The following HM13 variants were observed in gnomAD, a reference collection of about 807,000 sequenced individuals.
HM13 encodes histocompatibility minor 13, also known as signal peptide peptidase.
Under a neutral mutation model 50.0 loss-of-function variants are expected in HM13, and 18 were observed. The ratio of observed to expected loss-of-function variants is 0.36; its 90% confidence interval spans 0.25 to 0.53. The LOEUF is 0.53. HM13 is among the 20% of genes least tolerant of loss of function. HM13 has a pLI of 0.90. For synonymous variants in HM13, 197 were observed against 232.6 expected, an observed-to-expected ratio of 0.85 and a Z score of 1.39; for missense variants, 393 against 552.4, an observed-to-expected ratio of 0.71 and a Z score of 2.89.
intron 3 of HM13, among the ~76,000 whole-genome samples, chr20:31,544,563 A>G (rs1011799332): frequency 1.3e-5 from 2 of 152,198 alleles, no homozygotes; most frequent in Non-Finnish European, 2.9e-5. Flanking sequence ...GGAGTCCACA[A>G]ATATGCTTCT....
chr20:31,544,376 G>A (rs529069477), intron 3 of HM13, among the ~76,000 whole-genome samples: 8 of 152,348 alleles, frequency 5.3e-5, no homozygotes, highest in African/African-American at 1.9e-4. Flanking sequence ...AAACAACTGA[G>A]GCCTTGTGGA....
chr20:31,526,554 G>T (rs1308260137), intron 1 of HM13, among the ~76,000 whole-genome samples: 1 of 152,068 alleles, frequency 6.6e-6, no homozygotes, highest in Non-Finnish European at 1.5e-5. Context: ...AAATTATTTT[G>T]ATTGCATTCA....
At chr20:31,563,380 A>G (rs1175932976) in intron 10 of HM13, 1 of 152,334 alleles carries the variant, frequency 6.6e-6, no homozygotes, top group Non-Finnish European at 1.5e-5. Context: ...GCCTTTGTGC[A>G]GTGGTGTGAT....
intron 8 of HM13, 124 bp from the exon 9 acceptor site, chr20:31,559,487 C>A: frequency 1.1e-6 from 1 of 927,394 alleles, no homozygotes; most frequent in Non-Finnish European, 1.8e-6. Context: ...GTATTGGCCA[C>A]ACCCTTGGTC....
At chr20:31,524,962 C>G (rs922393436) in intron 1 of HM13, among the ~76,000 whole-genome samples, 2 of 152,042 alleles carry the variant, frequency 1.3e-5, no homozygotes, top group African/African-American at 4.8e-5. Flanking sequence ...ATCCGCCTGC[C>G]TCGGCCTCCC....
intron 2 of HM13, among the ~76,000 whole-genome samples, chr20:31,530,353 A>G (rs966155989): frequency 1.3e-5 from 2 of 151,978 alleles, no homozygotes; most frequent in Non-Finnish European, 2.9e-5. Flanking sequence ...TATCAAATAC[A>G]TGATTCTTAC....
intron 1 of HM13, among the ~76,000 whole-genome samples, chr20:31,526,149 C>T (rs915270413): frequency 1.1e-4 from 16 of 145,226 alleles, no homozygotes; most frequent in African/African-American, 4.2e-4. Context: ...AAAGAAAGTT[C>T]GTCATAAATC....
At chr20:31,537,840 A>G (rs754308777) in intron 2 of HM13, among the ~76,000 whole-genome samples, 2 of 152,142 alleles carry the variant, frequency 1.3e-5, no homozygotes, top group African/African-American at 4.8e-5. Context: ...TGAGGTTCCA[A>G]CAGCTCTCCT....
chr20:31,539,330 AACACTGATAG>A lies in HM13; in HGVS notation c.365+1072_365+1081del. ...GAAGAGGTGCAGCCTCAGGCTGAGA[AACACTGATAG>A]ACCAAGAGGTGGCCAGGGTTCCCAG... On this transcript the variant is annotated intron_variant, in intron 3 of 12. Transcript: ENST00000398174. The A allele has an allele frequency of 4.1e-6, 4 of 985,464 alleles. No individual in the cohort carries two copies. The South Asian group carries it at 1.9e-4, about 46-fold the overall frequency. The allele number at this position is 985,464 out of a possible 1,614,324, so 61.0% of individuals were successfully genotyped here.
intron 2 of HM13, among the ~76,000 whole-genome samples, chr20:31,531,552 A>G (rs1256486397): frequency 6.6e-6 from 1 of 152,094 alleles, no homozygotes; most frequent in Non-Finnish European, 1.5e-5. Context: ...GTATGTCATT[A>G]CATCCAGCTA....
chr20:31,527,009 T>A (rs1295527816), intron 1 of HM13, among the ~76,000 whole-genome samples: 1 of 152,216 alleles, frequency 6.6e-6, no homozygotes, highest in African/African-American at 2.4e-5. Context: ...TGGGTTCTCC[T>A]TGGTCTCTTG....
At chr20:31,544,810 C>T in intron 3 of HM13, 137 bp from the exon 4 acceptor site, 3 of 692,788 alleles carry the variant, frequency 4.3e-6, no homozygotes, top group Non-Finnish European at 7.8e-6. Context: ...TCTGTTTTCA[C>T]ATCTGTAGAG....
chr20:31,568,690 TG>T (rs1985076969), intron 12 of HM13, among the ~76,000 whole-genome samples: 1 of 152,226 alleles, frequency 6.6e-6, no homozygotes, highest in Admixed American at 6.5e-5. Flanking sequence ...CCTTGCCGCT[TG>T]CCAGTACAGC....
At chr20:31,566,086 C>T in intron 10 of HM13, 124 bp from the exon 11 acceptor site, 1 of 654,646 alleles carries the variant, frequency 1.5e-6, no homozygotes, top group Non-Finnish European at 2.6e-6. Flanking sequence ...CAGCCACTGA[C>T]TTGCTATGGT....
chr20:31,548,389 C>A (rs41309318), intron 4 of HM13: 5 of 205,352 alleles, frequency 2.4e-5, no homozygotes, highest in Non-Finnish European at 4.9e-5. Flanking sequence ...GGGCCCCCCA[C>A]AAAAGCAGCC....
intron 4 of HM13, chr20:31,547,296 C>G (rs988462141): frequency 7.9e-6 from 2 of 252,610 alleles, no homozygotes; most frequent in African/African-American, 4.6e-5. Flanking sequence ...GGGCCAAGCG[C>G]AGTCGTGACG....
chr20:31,538,374 T>C, intron 3 of HM13, 113 bp downstream of exon 3: 1 of 1,588,800 alleles, frequency 6.3e-7, no homozygotes, highest in Middle Eastern at 1.7e-4. Context: ...GAATCCTGGC[T>C]ATAAAACTCA....
intron 1 of HM13, among the ~76,000 whole-genome samples, chr20:31,519,875 C>T (rs914239255): frequency 1.4e-5 from 2 of 142,422 alleles, no homozygotes; most frequent in African/African-American, 5.4e-5. Context: ...GACAGTCTCG[C>T]TCTGTTGCCC....
chr20:31,553,085 C>T (rs1008961702), intron 7 of HM13, among the ~76,000 whole-genome samples: 8 of 152,022 alleles, frequency 5.3e-5, no homozygotes, highest in African/African-American at 1.9e-4. Flanking sequence ...ATCACAAGGT[C>T]AGGAATTCGA....
Sources: gnomAD v4.1 joint callset for allele counts (sites outside exome capture counted in the v4.1 genomes callset) on GRCh38, gnomAD v4.1.1 for gene constraint, MANE v1.5 for transcripts, NCBI Gene and HGNC (gene_info 2026-07-23, HGNC 2026-07-21) for gene names.